CCDC198: variants seen among roughly 807,000 people sequenced by gnomAD.
CCDC198 encodes coiled-coil domain containing 198, also known as factor associated with metabolism and energy.
Under a neutral mutation model 35.6 loss-of-function variants are expected in CCDC198, and 18 were observed. The ratio of observed to expected loss-of-function variants is 0.51; its 90% CI spans 0.35 to 0.75. CCDC198 has a LOEUF of 0.75. Ranked by LOEUF, CCDC198 falls within the 30% of genes least tolerant of loss-of-function variation. The pLI, the probability that CCDC198 is intolerant of heterozygous loss-of-function variation, is 0.01. For synonymous variants in CCDC198, 119 were observed against 113.4 expected, an observed-to-expected ratio of 1.05 and a Z score of -0.31; for missense variants, 365 against 343.7, an observed-to-expected ratio of 1.06 and a Z score of -0.49.
intron 4 of CCDC198, 64 bp from the exon 5 acceptor site, chr14:57,480,818 A>T (rs979532509): frequency 1.5e-5 from 23 of 1,548,484 alleles, no homozygotes; most frequent in Non-Finnish European, 2.0e-5. Flanking sequence ...GACTAGATCA[A>T]CAGATCAGCC....
rs768301153 is a variant in CCDC198 at position 57,490,923 on chromosome 14, GT to G, written c.306+65del. 5 of 1,337,742 alleles carry G rather than the reference GT, an allele frequency of 3.7e-6. No homozygotes were observed. The Admixed American group carries it at 9.2e-5, about 25-fold the overall frequency. 82.9% of individuals were successfully genotyped at this position (1,337,742 alleles called of 1,614,324 possible). On this transcript the variant is annotated intron_variant, in intron 2 of 5. Coordinates refer to ENST00000216445, the MANE Select transcript of CCDC198 (RefSeq NM_018168.4). ...TCAATATCCCTCTTTGATGATTATA[GT>G]TTAAAAAGGGATGTTACCATTTTAT...
At chr14:57,490,891 G>T in intron 2 of CCDC198, 98 bp downstream of exon 2, 1 of 1,130,156 alleles carries the variant, frequency 8.8e-7, no homozygotes, top group Non-Finnish European at 1.3e-6. Flanking sequence ...TAATAGCTTG[G>T]TCCTTATCAA....
Position 57,475,081 on chromosome 14 carries a change from G to GA in CCDC198, c.656-3492dup, listed in dbSNP as rs2066930251. ...TCGAGACCATCTTGGCTAACACAGT[G>GA]AACCCCCGTCTCTACTAAAAATACA... On this transcript the variant is annotated intron_variant, in intron 5 of 5. Transcript: ENST00000216445. Among the ~76,000 whole-genome samples the GA allele has an allele frequency of 3.3e-5, 5 of 152,134 alleles. No homozygotes were observed. The South Asian group carries it at 1.0e-3, about 32-fold the overall frequency.
At chr14:57,492,523 A>G (rs1045703399) in intron 1 of CCDC198, among the ~76,000 whole-genome samples, 3 of 152,076 alleles carry the variant, frequency 2.0e-5, no homozygotes, top group African/African-American at 7.2e-5. Context: ...TCTATCATAA[A>G]AAAATTCCTA....
chr14:57,479,203 A>G (rs937143096), intron 5 of CCDC198, among the ~76,000 whole-genome samples: 22 of 152,176 alleles, frequency 1.4e-4, no homozygotes, highest in Admixed American at 6.5e-5. Context: ...GAAGCTAGAA[A>G]GGCTAGGTAG....
chr14:57,472,100 A>G (rs1348126247), intron 5 of CCDC198, among the ~76,000 whole-genome samples: 1 of 152,120 alleles, frequency 6.6e-6, no homozygotes, highest in Non-Finnish European at 1.5e-5. Flanking sequence ...TCAAATATCC[A>G]TGGTTGTCAC....
chr14:57,478,920 G>T lies in CCDC198; in HGVS notation c.655+1675C>A, dbSNP rs906020154. 4.8e-6 allele frequency: 6 copies of T among 1,261,844 alleles called. No individual in the cohort carries two copies. The African/African-American group carries it at 7.6e-5, about 16-fold the overall frequency. 78.2% of individuals were successfully genotyped at this position (1,261,844 alleles called of 1,614,324 possible). A position where few individuals can be genotyped will look rare whatever the true frequency, so the allele number is the denominator to read the frequency against. On this transcript the variant is annotated intron_variant, in intron 5 of 5. Coordinates refer to ENST00000216445, the MANE Select transcript of CCDC198 (RefSeq NM_018168.4). Reference sequence around the variant, plus strand: ...CTCCAGAGACATAGCCAGCTTTTCTGCAGCTCTCTCAGCGGTGGGTCAGTC... The same window carrying T: ...CTCCAGAGACATAGCCAGCTTTTCTTCAGCTCTCTCAGCGGTGGGTCAGTC...
At chr14:57,482,893 G>GAAGAGAAT (rs2067234487) in intron 3 of CCDC198, among the ~76,000 whole-genome samples, 172 bp downstream of exon 3, 1 of 152,200 alleles carries the variant, frequency 6.6e-6, no homozygotes, top group Non-Finnish European at 1.5e-5. Flanking sequence ...GGCATGCACA[G>GAAGAGAAT]AAGAGAATAA....
intron 2 of CCDC198, among the ~76,000 whole-genome samples, chr14:57,489,519 G>A (rs1377945878): frequency 6.6e-6 from 1 of 152,006 alleles, no homozygotes; most frequent in Non-Finnish European, 1.5e-5. Flanking sequence ...CTGTACCCCT[G>A]AACTTAAAAG....
intron 3 of CCDC198, 30 bp from the exon 4 acceptor site, chr14:57,481,690 G>C: frequency 7.1e-7 from 1 of 1,406,510 alleles, no homozygotes; most frequent in Non-Finnish European, 1.0e-6. Flanking sequence ...TGTTAGTATG[G>C]GGTAATTTGT....
At chr14:57,491,224 A>G (rs1594823670) in intron 1 of CCDC198, among the ~76,000 whole-genome samples, 153 bp from the exon 2 acceptor site, 1 of 152,128 alleles carries the variant, frequency 6.6e-6, no homozygotes, top group East Asian at 1.9e-4. Context: ...GATGAAACAC[A>G]GAAAGCAGGG....
intron 4 of CCDC198, among the ~76,000 whole-genome samples, chr14:57,481,289 A>C (rs1296514145): frequency 6.6e-6 from 1 of 152,180 alleles, no homozygotes; most frequent in African/African-American, 2.4e-5. Context: ...CCATTTTCCT[A>C]TGTCCAGAAT....
intron 2 of CCDC198, among the ~76,000 whole-genome samples, chr14:57,483,656 T>A (rs1397727402): frequency 6.6e-6 from 1 of 152,172 alleles, no homozygotes; most frequent in Non-Finnish European, 1.5e-5. Flanking sequence ...CTAACACATT[T>A]TAGAGATGTC....
intron 2 of CCDC198, 60 bp downstream of exon 2, chr14:57,490,929 A>G: frequency 5.8e-6 from 8 of 1,374,346 alleles, no homozygotes; most frequent in Non-Finnish European, 7.2e-6. Flanking sequence ...TATAGTTTAA[A>G]AAGGGATGTT....
intron 5 of CCDC198, chr14:57,475,436 C>T: frequency 1.6e-6 from 2 of 1,228,060 alleles, no homozygotes; most frequent in South Asian, 2.8e-5. Flanking sequence ...ACTGTTTTCA[C>T]TATAAGACAT....
rs550796557 is a variant in CCDC198, at chr14:57,475,173, G to A, written c.656-3583C>T. 413 of 192,446 alleles carry A rather than the reference G, an allele frequency of 2.1e-3. 4 individuals are homozygous for A. The highest frequency in any genetic ancestry group is 8.6e-3 in the African/African-American group (360 of 41,996). 11.9% of individuals were successfully genotyped at this position (192,446 alleles called of 1,614,324 possible). A position where few individuals can be genotyped will look rare whatever the true frequency, so the allele number is the denominator to read the frequency against. On this transcript the variant is annotated intron_variant, in intron 5 of 5. Transcript: ENST00000216445. ...CTACTCGGGAGGCTGAGGCAGGAGA[G>A]TGGCGTGAACCCGGGAGGCGGAGCT...
intron 2 of CCDC198, among the ~76,000 whole-genome samples, chr14:57,488,399 A>T (rs1377877035): frequency 6.6e-6 from 1 of 152,166 alleles, no homozygotes; most frequent in Non-Finnish European, 1.5e-5. Context: ...GATGGTACAG[A>T]CTTCTAATAC....
chr14:57,471,622 C>A, intron 5 of CCDC198, 32 bp from the exon 6 acceptor site: 4 of 1,276,982 alleles, frequency 3.1e-6, no homozygotes, highest in Non-Finnish European at 4.4e-6. Flanking sequence ...TTAATTTTTT[C>A]CCTTAGCAAT....
At chr14:57,471,667 A>G (rs2066823259) in intron 5 of CCDC198, 77 bp from the exon 6 acceptor site, 4 of 706,880 alleles carry the variant, frequency 5.7e-6, no homozygotes, top group Admixed American at 6.7e-5. Flanking sequence ...AGCTTAATAA[A>G]TAATCTGCTT....
Sources: allele counts gnomAD v4.1 joint callset (sites outside exome capture counted in the v4.1 genomes callset), GRCh38; gene constraint gnomAD v4.1.1; transcripts MANE v1.5; gene names NCBI Gene and HGNC (gene_info 2026-07-23, HGNC 2026-07-21).